The following FSTL5 variants were observed in gnomAD, a reference collection of about 807,000 sequenced individuals.
FSTL5 encodes the protein follistatin-related protein 5.
FSTL5 carries 62 observed loss-of-function variants against 89.1 expected under a neutral mutation model. The ratio of observed to expected loss-of-function variants is 0.70; its 90% CI spans 0.57 to 0.86. The LOEUF (loss-of-function observed/expected upper bound fraction) is 0.86, where lower values mean the gene tolerates loss of function less well. FSTL5 is among the 40% of genes least tolerant of loss of function. The pLI is 0.00. For synonymous variants in FSTL5, 383 were observed against 346.2 expected, an observed-to-expected ratio of 1.11 and a Z score of -1.18; for missense variants, 1,057 against 1,001.6, an observed-to-expected ratio of 1.06 and a Z score of -0.75.
intron 2 of FSTL5, among the ~76,000 whole-genome samples, chr4:162,101,057 C>T (rs529386728): frequency 1.3e-5 from 2 of 152,304 alleles, no homozygotes; most frequent in South Asian, 4.1e-4. Flanking sequence ...GATAAACACA[C>T]AATCGCCTTC....
At chr4:161,555,138 G>A (rs191796849) in intron 8 of FSTL5, among the ~76,000 whole-genome samples, 1 of 151,454 alleles carries the variant, frequency 6.6e-6, no homozygotes, top group Non-Finnish European at 1.5e-5. Context: ...CATAAACTTC[G>A]GTGAGTTTTT....
At chr4:161,610,742 T>G (rs1256664770) in intron 7 of FSTL5, among the ~76,000 whole-genome samples, 1 of 151,566 alleles carries the variant, frequency 6.6e-6, no homozygotes, top group South Asian at 2.1e-4. Flanking sequence ...GACACATTGA[T>G]ATGAAATTGT....
intron 15 of FSTL5, among the ~76,000 whole-genome samples, chr4:161,444,254 T>A (rs1326135316): frequency 6.6e-6 from 1 of 151,898 alleles, no homozygotes; most frequent in African/African-American, 2.4e-5. Context: ...AACAGATTAA[T>A]GAACAGACTT....
intron 3 of FSTL5, among the ~76,000 whole-genome samples, chr4:161,957,324 C>G (rs1247367336): frequency 6.6e-6 from 1 of 152,016 alleles, no homozygotes; most frequent in Non-Finnish European, 1.5e-5. Flanking sequence ...GACTCCTACA[C>G]AAACCTTTAT....
At chr4:161,692,249 A>G (rs1368243352) in intron 6 of FSTL5, among the ~76,000 whole-genome samples, 1 of 151,944 alleles carries the variant, frequency 6.6e-6, no homozygotes, top group Non-Finnish European at 1.5e-5. Flanking sequence ...TAAGGAAGCT[A>G]TCATTCATTT....
intron 6 of FSTL5, among the ~76,000 whole-genome samples, chr4:161,701,718 A>G (rs913664759): frequency 1.6e-4 from 24 of 152,260 alleles, no homozygotes; most frequent in African/African-American, 5.8e-4. Flanking sequence ...CTTTGTCAAA[A>G]GTACATGTAG....
chr4:161,454,737 C>T (rs1733287882), intron 15 of FSTL5, among the ~76,000 whole-genome samples: 1 of 152,180 alleles, frequency 6.6e-6, no homozygotes, highest in South Asian at 2.1e-4. Flanking sequence ...TGACAATTTG[C>T]AAAAACATCG....
At chr4:161,547,835 A>T (rs1323618955) in intron 8 of FSTL5, among the ~76,000 whole-genome samples, 1 of 151,920 alleles carries the variant, frequency 6.6e-6, no homozygotes, top group Non-Finnish European at 1.5e-5. Flanking sequence ...GAATTGTGAT[A>T]ATAAGTGAAT....
chr4:161,895,974 T>C (rs2110772177), intron 4 of FSTL5, among the ~76,000 whole-genome samples: 1 of 152,322 alleles, frequency 6.6e-6, no homozygotes, highest in East Asian at 1.9e-4. Context: ...TATTGGGCTT[T>C]ACCAAAGTCA....
chr4:161,455,018 A>G lies in FSTL5; in HGVS notation c.1827T>C (p.Ile609=), dbSNP rs751704766. ...DDFFIPTTTL[I]ITHMRFGFIL... ...TTAGCACTTACCTCATATGGGTGAT[A>G]ATGAGTGTTGTGGTGGGAATGAAAA... Residue 609 remains isoleucine, a synonymous_variant, in exon 15 of 16, where the codon ATT becomes ATC. Coordinates refer to ENST00000306100, the MANE Select transcript of FSTL5 (RefSeq NM_020116.5). The G allele has an allele frequency of 6.2e-7, 1 of 1,613,586 alleles. No individual in the cohort carries two copies. Among genetic ancestry groups the G allele is most frequent in the Non-Finnish European group, 8.5e-7 (1 of 1,179,680 alleles).
chr4:162,019,150 T>C (rs1471225872), intron 3 of FSTL5, among the ~76,000 whole-genome samples: 1 of 152,200 alleles, frequency 6.6e-6, no homozygotes, highest in Non-Finnish European at 1.5e-5. Context: ...ACACATTTTT[T>C]CCACAATTGA....
At chr4:161,421,534 A>T (rs1236725746) in intron 15 of FSTL5, among the ~76,000 whole-genome samples, 1 of 152,144 alleles carries the variant, frequency 6.6e-6, no homozygotes. Context: ...CATGGGTTCC[A>T]AGTTGAAAAG....
chr4:162,124,039 T>G (rs1188218887), intron 1 of FSTL5, among the ~76,000 whole-genome samples: 2 of 152,146 alleles, frequency 1.3e-5, no homozygotes, highest in African/African-American at 4.8e-5. Context: ...GGTAGAGTAT[T>G]CAGATGAGTT....
chr4:161,743,380 T>C (rs367978567), intron 6 of FSTL5, among the ~76,000 whole-genome samples: 5 of 152,244 alleles, frequency 3.3e-5, no homozygotes, highest in Non-Finnish European at 5.9e-5. Context: ...ATCTCTTTTA[T>C]CTTCTATTCC....
chr4:162,092,943 G>C (rs371812174), intron 2 of FSTL5, among the ~76,000 whole-genome samples: 8 of 67,450 alleles, frequency 1.2e-4, no homozygotes, highest in African/African-American at 5.1e-4. Flanking sequence ...GCGAGACTCT[G>C]TCTCAAAAAA....
intron 7 of FSTL5, among the ~76,000 whole-genome samples, chr4:161,639,152 A>T (rs1457062102): frequency 6.6e-6 from 1 of 152,142 alleles, no homozygotes; most frequent in Admixed American, 6.5e-5. Context: ...GGCAGTTGTT[A>T]AGCAATTAAA....
chr4:162,093,273 T>C (rs1492448), intron 2 of FSTL5, among the ~76,000 whole-genome samples: 125,771 of 152,120 alleles, frequency 0.83, 52,593 homozygotes, highest in Non-Finnish European at 0.89. Context: ...TTCTTAAATG[T>C]TATACTAATC....
At chr4:161,936,612 A>G (rs1254829941) in intron 3 of FSTL5, among the ~76,000 whole-genome samples, 1 of 152,154 alleles carries the variant, frequency 6.6e-6, no homozygotes, top group African/African-American at 2.4e-5. Context: ...ACCGCAGGAA[A>G]TGAAAATGAC....
chr4:161,923,706 G>A (rs1457811677), intron 3 of FSTL5, among the ~76,000 whole-genome samples: 1 of 151,234 alleles, frequency 6.6e-6, no homozygotes, highest in South Asian at 2.1e-4. Context: ...CAATTTTTAG[G>A]GGAATGCTCT....
Sources: allele counts gnomAD v4.1 joint callset (sites outside exome capture counted in the v4.1 genomes callset), GRCh38; gene constraint gnomAD v4.1.1; transcripts MANE v1.5; gene names NCBI Gene and HGNC (gene_info 2026-07-23, HGNC 2026-07-21).